Variants in LRRC4C observed in about 807,000 individuals in gnomAD.
LRRC4C encodes leucine-rich repeat-containing protein 4C.
In LRRC4C, 5 loss-of-function variants were observed where a neutral mutation model predicts 33.6. That is an observed-to-expected ratio of 0.15 (90% CI 0.08 to 0.31). LRRC4C has a LOEUF of 0.31. Among genes scored for constraint, LRRC4C ranks in the 10% least tolerant of loss-of-function variants. The pLI is 1.00. For synonymous variants in LRRC4C, 329 were observed against 302.0 expected, an observed-to-expected ratio of 1.09 and a Z score of -0.93; for missense variants, 560 against 796.7, an observed-to-expected ratio of 0.70 and a Z score of 3.58.
At chr11:41,245,594 G>A (rs554866657) in intron 1 of LRRC4C, among the ~76,000 whole-genome samples, 1 of 152,208 alleles carries the variant, frequency 6.6e-6, no homozygotes, top group Non-Finnish European at 1.5e-5. Flanking sequence ...AGGTGTCACA[G>A]CCCTGACTCA....
At chr11:40,970,142 CAG>C (rs1851623260) in intron 1 of LRRC4C, among the ~76,000 whole-genome samples, 2 of 152,164 alleles carry the variant, frequency 1.3e-5, no homozygotes, top group South Asian at 4.1e-4. Flanking sequence ...TCAAAATCAG[CAG>C]AGCCTTCTAG....
chr11:41,082,096 T>C (rs947152641), intron 1 of LRRC4C, among the ~76,000 whole-genome samples: 1 of 152,168 alleles, frequency 6.6e-6, no homozygotes, highest in African/African-American at 2.4e-5. Flanking sequence ...CTGCTGGCTT[T>C]GAGCTTGATT....
At chr11:40,852,005 T>C (rs190110951) in intron 2 of LRRC4C, among the ~76,000 whole-genome samples, 172 of 152,288 alleles carry the variant, frequency 1.1e-3, no homozygotes, top group Non-Finnish European at 2.0e-3. Flanking sequence ...AAAAATTTTT[T>C]AATAGTAGAG....
chr11:41,366,597 T>C (rs1223059602), intron 1 of LRRC4C, among the ~76,000 whole-genome samples: 1 of 152,164 alleles, frequency 6.6e-6, no homozygotes, highest in African/African-American at 2.4e-5. Context: ...GTTTCTCCCA[T>C]TTAAATTCAT....
At chr11:41,342,018 C>G (rs900118669) in intron 1 of LRRC4C, among the ~76,000 whole-genome samples, 1 of 151,358 alleles carries the variant, frequency 6.6e-6, no homozygotes, top group African/African-American at 2.4e-5. Context: ...TTTCATGAAC[C>G]TCACCCCTGG....
intron 2 of LRRC4C, among the ~76,000 whole-genome samples, chr11:40,726,036 A>T (rs950737519): frequency 4.6e-5 from 7 of 152,192 alleles, no homozygotes; most frequent in African/African-American, 1.7e-4. Flanking sequence ...AAACCAGAAA[A>T]TATAGAGGAA....
At chr11:40,391,008 A>G (rs1949312869) in intron 3 of LRRC4C, among the ~76,000 whole-genome samples, 1 of 151,968 alleles carries the variant, frequency 6.6e-6, no homozygotes. Flanking sequence ...CAGCCTCCGG[A>G]GTAGCTGGGA....
chr11:40,968,140 G>A (rs1851483986), intron 1 of LRRC4C, among the ~76,000 whole-genome samples: 1 of 152,056 alleles, frequency 6.6e-6, no homozygotes, highest in Non-Finnish European at 1.5e-5. Flanking sequence ...TGCTGATATT[G>A]AGAAAGTTTT....
chr11:40,328,152 T>C (rs1465595744), intron 3 of LRRC4C, among the ~76,000 whole-genome samples: 1 of 152,184 alleles, frequency 6.6e-6, no homozygotes, highest in Non-Finnish European at 1.5e-5. Flanking sequence ...CTTGATATTC[T>C]ACTCTTCCAT....
At chr11:40,729,468 T>G (rs1162587001) in intron 2 of LRRC4C, among the ~76,000 whole-genome samples, 5 of 152,156 alleles carry the variant, frequency 3.3e-5, no homozygotes, top group African/African-American at 1.2e-4. Context: ...CTACTAGTCA[T>G]CATGCCAGCT....
chr11:41,225,931 T>G (rs1282247066), intron 1 of LRRC4C, among the ~76,000 whole-genome samples: 1 of 152,148 alleles, frequency 6.6e-6, no homozygotes, highest in African/African-American at 2.4e-5. Context: ...CAACAGGACA[T>G]AGCTCACCAT....
intron 1 of LRRC4C, among the ~76,000 whole-genome samples, chr11:41,280,566 G>A (rs754364863): frequency 6.6e-6 from 1 of 152,108 alleles, no homozygotes; most frequent in Non-Finnish European, 1.5e-5. Context: ...TTATGATATA[G>A]GCATGCAGAT....
intron 2 of LRRC4C, among the ~76,000 whole-genome samples, chr11:40,672,813 C>T (rs1944195318): frequency 6.6e-6 from 1 of 152,004 alleles, no homozygotes; most frequent in South Asian, 2.1e-4. Context: ...AAGAAAATAG[C>T]CAATTTGTAA....
chr11:40,546,191 A>G (rs1369054889), intron 3 of LRRC4C, among the ~76,000 whole-genome samples: 1 of 150,766 alleles, frequency 6.6e-6, no homozygotes, highest in East Asian at 2.0e-4. Flanking sequence ...ATTCCAGTTA[A>G]CAATAAACAA....
intron 1 of LRRC4C, among the ~76,000 whole-genome samples, chr11:41,176,000 C>T (rs1338146865): frequency 1.3e-5 from 2 of 152,160 alleles, no homozygotes; most frequent in Non-Finnish European, 2.9e-5. Context: ...AAGTACTCGT[C>T]CTACGCATTC....
chr11:40,676,999 G>A (rs547835257), intron 2 of LRRC4C, among the ~76,000 whole-genome samples: 2 of 152,232 alleles, frequency 1.3e-5, no homozygotes, highest in South Asian at 4.2e-4. Context: ...CTGCCCAGCA[G>A]ATATGATCAT....
intron 5 of LRRC4C, among the ~76,000 whole-genome samples, chr11:40,144,075 G>T (rs201877961): frequency 2.6e-5 from 4 of 152,216 alleles, no homozygotes; most frequent in Non-Finnish European, 2.9e-5. Flanking sequence ...TTTGTGGCTT[G>T]TGGGAAGTTA....
At chr11:40,947,334 CTGT>C (rs1017715022) in intron 1 of LRRC4C, among the ~76,000 whole-genome samples, 1 of 152,056 alleles carries the variant, frequency 6.6e-6, no homozygotes, top group Non-Finnish European at 1.5e-5. Context: ...TTAGGTTTTG[CTGT>C]TGTTGTGCTG....
intron 1 of LRRC4C, among the ~76,000 whole-genome samples, chr11:41,030,860 C>G (rs1457998787): frequency 6.6e-6 from 1 of 151,690 alleles, no homozygotes; most frequent in Admixed American, 6.6e-5. Context: ...TAGTTATACA[C>G]ACTCTAAAAC....
Sources: gnomAD v4.1 joint callset for allele counts (sites outside exome capture counted in the v4.1 genomes callset) on GRCh38, gnomAD v4.1.1 for gene constraint, MANE v1.5 for transcripts, NCBI Gene and HGNC (gene_info 2026-07-23, HGNC 2026-07-21) for gene names.